Variants in MOB1B observed in about 807,000 individuals in gnomAD.
The protein encoded by MOB1B is MOB1 Mps One Binder homolog B.
In MOB1B, 19 loss-of-function variants were observed where a neutral mutation model predicts 24.4. That is an observed-to-expected ratio of 0.78 (90% confidence interval 0.54 to 1.14). MOB1B has a LOEUF of 1.14. MOB1B is among the 50% of genes most tolerant of loss of function. The probability of loss-of-function intolerance (pLI) is 0.00; values close to 1 mark genes in which losing one functional copy is unlikely to be tolerated. For missense variants in MOB1B, 243 were observed against 259.6 expected (o/e 0.94, Z 0.44); for synonymous variants, 76 against 82.1 (o/e 0.93, Z 0.40).
chr4:70,931,849 G>T (rs940782419), intron 1 of MOB1B, among the ~76,000 whole-genome samples: 1 of 152,132 alleles, frequency 6.6e-6, no homozygotes, highest in Non-Finnish European at 1.5e-5. Flanking sequence ...TCCCATCTCA[G>T]TCTCCTAAGT....
intron 1 of MOB1B, among the ~76,000 whole-genome samples, chr4:70,940,533 C>T (rs1737285387): frequency 6.6e-6 from 1 of 152,140 alleles, no homozygotes; most frequent in Admixed American, 6.5e-5. Flanking sequence ...TATTAGGTAT[C>T]CTAGAGGATT....
chr4:70,903,945 T>TA (rs1161322283), intron 1 of MOB1B, among the ~76,000 whole-genome samples: 4 of 143,752 alleles, frequency 2.8e-5, no homozygotes, highest in East Asian at 2.1e-4. Flanking sequence ...GGTGATTTTA[T>TA]AAAAAAGTCC....
In MOB1B at chr4:70,902,570, A is replaced by G. The variant is rs1350686054; in HGVS notation, c.14+20A>G. ...CTTGTTGTGAGTAGCCAGGCCCCGC[A>G]CGCGCCGGCTTTGTTCGGGTGGACC... On this transcript the variant is annotated intron_variant, in intron 1 of 5. Transcript: ENST00000309395. 6.5e-7 allele frequency: 1 copy of G among 1,549,750 alleles called. No homozygotes were observed. The highest frequency in any genetic ancestry group is 1.9e-5 in the Admixed American group (1 of 51,852).
chr4:70,935,008 A>G (rs1348092442), intron 1 of MOB1B, among the ~76,000 whole-genome samples: 1 of 152,124 alleles, frequency 6.6e-6, no homozygotes, highest in African/African-American at 2.4e-5. Context: ...GGCAGATCAT[A>G]GCTGTAGCCT....
chr4:70,911,035 C>G (rs1306142051), intron 1 of MOB1B, among the ~76,000 whole-genome samples: 3 of 152,232 alleles, frequency 2.0e-5, no homozygotes, highest in Admixed American at 6.5e-5. Flanking sequence ...ATCCGCCCGC[C>G]TTGGCCTCCC....
chr4:70,909,129 C>G (rs1401470066), intron 1 of MOB1B, among the ~76,000 whole-genome samples: 2 of 151,818 alleles, frequency 1.3e-5, no homozygotes, highest in African/African-American at 2.4e-5. Context: ...CTGTTTCTCT[C>G]TAGACTCTTG....
intron 2 of MOB1B, among the ~76,000 whole-genome samples, chr4:70,963,114 G>T (rs1456331310): frequency 6.6e-6 from 1 of 152,134 alleles, no homozygotes; most frequent in Non-Finnish European, 1.5e-5. Flanking sequence ...CCACATATAT[G>T]GTAAAGGACC....
At chr4:70,933,527 G>A (rs1736961343) in intron 1 of MOB1B, among the ~76,000 whole-genome samples, 1 of 132,016 alleles carries the variant, frequency 7.6e-6, no homozygotes, top group East Asian at 2.3e-4. Flanking sequence ...TATAGGGCTT[G>A]TAATAAAAAT....
intron 1 of MOB1B, among the ~76,000 whole-genome samples, chr4:70,925,607 G>A (rs745823804): frequency 6.6e-6 from 1 of 151,290 alleles, no homozygotes; most frequent in Non-Finnish European, 1.5e-5. Flanking sequence ...TGGATCTTTG[G>A]CACCACCTAG....
intron 5 of MOB1B, 28 bp from the exon 6 acceptor site, chr4:70,981,951 TA>T: frequency 7.0e-7 from 1 of 1,422,314 alleles, no homozygotes; most frequent in Non-Finnish European, 9.9e-7. Flanking sequence ...TTTTGCTATT[TA>T]TTCTGCCTTT....
At chr4:70,922,430 A>G (rs901322255) in intron 1 of MOB1B, among the ~76,000 whole-genome samples, 1 of 152,210 alleles carries the variant, frequency 6.6e-6, no homozygotes, top group African/African-American at 2.4e-5. Flanking sequence ...TCGTTCCAGA[A>G]AGGCAGGACA....
chr4:70,935,847 ATTTTTTTT>A (rs11395356), intron 1 of MOB1B, among the ~76,000 whole-genome samples: 1 of 100,396 alleles, frequency 1.0e-5, no homozygotes, highest in African/African-American at 4.1e-5. Context: ...TGGTACACTA[ATTTTTTTT>A]TTTTTTTTTT....
At chr4:70,953,929 G>A (rs534637993) in intron 1 of MOB1B, among the ~76,000 whole-genome samples, 29 of 152,214 alleles carry the variant, frequency 1.9e-4, no homozygotes, top group African/African-American at 6.7e-4. Context: ...GGGTGACAGA[G>A]CAAGACTCTG....
intron 4 of MOB1B, chr4:70,976,428 A>T (rs766812451): frequency 2.0e-6 from 2 of 985,270 alleles, no homozygotes; most frequent in Non-Finnish European, 2.4e-6. Flanking sequence ...GAAGAAAACA[A>T]GATTTGAGGG....
intron 1 of MOB1B, among the ~76,000 whole-genome samples, chr4:70,909,832 T>A (rs1160900344): frequency 1.3e-5 from 2 of 152,108 alleles, no homozygotes. Context: ...GTTCAAGCAG[T>A]TCTCCCTGCC....
At chr4:70,944,421 T>A (rs1381694632) in intron 1 of MOB1B, among the ~76,000 whole-genome samples, 1 of 152,224 alleles carries the variant, frequency 6.6e-6, no homozygotes, top group Non-Finnish European at 1.5e-5. Flanking sequence ...TTCTCTACCA[T>A]GACTGATCAA....
chr4:70,966,388 T>G (rs2148897853), intron 2 of MOB1B, among the ~76,000 whole-genome samples: 1 of 151,902 alleles, frequency 6.6e-6, no homozygotes, highest in Admixed American at 6.6e-5. Context: ...TTTTTTTTTT[T>G]TTTGAGGCGG....
intron 4 of MOB1B, chr4:70,976,342 T>C: frequency 1.0e-6 from 1 of 985,192 alleles, no homozygotes; most frequent in Non-Finnish European, 1.2e-6. Flanking sequence ...TTTAGTAATA[T>C]ATTTGTGATC....
At chr4:70,979,359 C>T (rs1739115486) in intron 5 of MOB1B, 68 bp downstream of exon 5, 2 of 1,226,952 alleles carry the variant, frequency 1.6e-6, no homozygotes, top group Non-Finnish European at 2.3e-6. Flanking sequence ...AAGGTAAATA[C>T]TGTATTCACA....
Sources: gnomAD v4.1 joint callset for allele counts (sites outside exome capture counted in the v4.1 genomes callset) on GRCh38, gnomAD v4.1.1 for gene constraint, MANE v1.5 for transcripts, NCBI Gene and HGNC (gene_info 2026-07-23, HGNC 2026-07-21) for gene names.